ANK3: variants seen among roughly 807,000 people sequenced by gnomAD.
ANK3 encodes the protein ankyrin 3, also known as ankyrin-3.
In ANK3, 57 loss-of-function variants were observed where a neutral mutation model predicts 370.9. That is an observed-to-expected ratio of 0.15 (90% CI 0.12 to 0.19). The LOEUF is 0.19. ANK3 is among the 10% of genes least tolerant of loss of function. The pLI, the probability that ANK3 is intolerant of heterozygous loss-of-function variation, is 1.00. For synonymous variants in ANK3, 1,929 were observed against 1,946.3 expected, an observed-to-expected ratio of 0.99 and a Z score of 0.23; for missense variants, 4,439 against 5,302.1, an observed-to-expected ratio of 0.84 and a Z score of 5.06.
intron 2 of ANK3, among the ~76,000 whole-genome samples, chr10:60,437,568 A>G (rs544192195): frequency 8.7e-4 from 133 of 152,322 alleles, no homozygotes; most frequent in African/African-American, 3.1e-3. Context: ...TGCTAAATAA[A>G]GGAATGAATG....
chr10:60,124,150 C>T (rs1341374350), intron 25 of ANK3, among the ~76,000 whole-genome samples: 1 of 152,046 alleles, frequency 6.6e-6, no homozygotes, highest in Non-Finnish European at 1.5e-5. Flanking sequence ...TCTCATACCC[C>T]TAGATATTTA....
chr10:60,123,464 G>T (rs1175609247), intron 25 of ANK3, among the ~76,000 whole-genome samples: 3 of 152,136 alleles, frequency 2.0e-5, no homozygotes, highest in Non-Finnish European at 4.4e-5. Context: ...TAATTGTCCA[G>T]GCAGGGAAGG....
At chr10:60,688,096 G>A (rs78660839) in intron 1 of ANK3, among the ~76,000 whole-genome samples, 1 of 149,150 alleles carries the variant, frequency 6.7e-6, no homozygotes, top group African/African-American at 2.5e-5. Flanking sequence ...TTTTTTTTTT[G>A]AGACCTTTCC....
intron 1 of ANK3, among the ~76,000 whole-genome samples, chr10:60,373,895 T>G (rs2060432292): frequency 1.3e-5 from 2 of 152,144 alleles, no homozygotes. Flanking sequence ...ATGAAGCCTC[T>G]TCTCTCATCA....
At position 60,026,717 on chromosome 10, in the gene ANK3, T is replaced by C. The variant is rs1199226065; in HGVS notation, c.*3129A>G. 1 of 152,200 alleles carries C rather than the reference T, an allele frequency of 6.6e-6. No homozygotes were observed. The highest frequency in any genetic ancestry group is 1.5e-5 in the Non-Finnish European group (1 of 68,034). The allele number at this position is 152,200 out of a possible 1,614,324, so 9.4% of individuals were successfully genotyped here. A position where few individuals can be genotyped will look rare whatever the true frequency, so the allele number is the denominator to read the frequency against. ...GCTGCTTATGTGTTCAATGAAGTAA[T>C]AGATGCCTCTTAAAGTATTGAAATA... On this transcript the variant is annotated 3_prime_UTR_variant, in exon 44 of 44. Transcript: ENST00000280772.
chr10:60,080,555 A>G lies in ANK3; in HGVS notation c.4414T>C (p.Leu1472=). ...SLALRKRYSY[L]TEPGMIERST... is the part of the protein sequence containing the mutation. ...AACTCACTCATTCCAGGCTCAGTCA[A>G]GTAGCTGTAGCGCTTACGTAAAGCT... The change falls in exon 36 of 44, where the codon TTG becomes CTG. Residue 1472 remains leucine, a synonymous_variant. Transcript: ENST00000280772. The G allele has an allele frequency of 6.2e-7, 1 of 1,612,378 alleles. No homozygotes were observed. The highest frequency in any genetic ancestry group is 2.2e-5 in the East Asian group (1 of 44,708).
intron 1 of ANK3, among the ~76,000 whole-genome samples, chr10:60,316,324 A>AAGC (rs1374283281): frequency 2.0e-5 from 3 of 152,116 alleles, no homozygotes; most frequent in Admixed American, 2.0e-4. Context: ...ACAAACAAAA[A>AAGC]AGCAGGAAGT....
intron 1 of ANK3, among the ~76,000 whole-genome samples, chr10:60,695,324 C>G (rs1036785888): frequency 6.6e-5 from 10 of 152,116 alleles, no homozygotes; most frequent in Admixed American, 5.9e-4. Context: ...ACCCCACTGT[C>G]AACATTAGAC....
At chr10:60,563,598 A>G (rs2077390082) in intron 2 of ANK3, among the ~76,000 whole-genome samples, 1 of 152,222 alleles carries the variant, frequency 6.6e-6, no homozygotes, top group Non-Finnish European at 1.5e-5. Flanking sequence ...GACTATAAAT[A>G]GCTTCACGTA....
Position 60,106,017 on chromosome 10 carries a change from T to G in ANK3, c.3216A>C (p.Gly1072=), listed in dbSNP as rs968746371. ...VEIPHFGSMR[G]KERELIVLRS... Reference sequence around the variant, plus strand: ...GAAGAACAATGAGTTCTCTCTCTTTTCCTCTCATGGACCCAAAGTGAGGGA... The same window carrying G: ...GAAGAACAATGAGTTCTCTCTCTTTGCCTCTCATGGACCCAAAGTGAGGGA... Residue 1072 remains glycine, a synonymous_variant, in exon 28 of 44, where the codon GGA becomes GGC. Coordinates refer to ENST00000280772, the MANE Select transcript of ANK3 (RefSeq NM_020987.5). The G allele has an allele frequency of 1.2e-6, 2 of 1,612,362 alleles. No homozygotes were observed. Among genetic ancestry groups the G allele is most frequent in the Non-Finnish European group, 1.7e-6 (2 of 1,179,332 alleles).
At position 60,060,078 on chromosome 10, in the gene ANK3, T is replaced by A. The variant is rs561191564; in HGVS notation, c.12596-648A>T. ...ATCAAACAAAAACACATGGAATGAC[T>A]AAAATTATATCAGGCATGAAAAATG... On this transcript the variant is annotated intron_variant, in intron 40 of 43. Transcript: ENST00000280772. 1.2e-5 allele frequency: 14 copies of A among 1,160,972 alleles called. No individual in the cohort carries two copies. In the African/African-American group the frequency reaches 2.2e-4, roughly 18 times the overall value. 71.9% of individuals were successfully genotyped at this position (1,160,972 alleles called of 1,614,324 possible). A position where few individuals can be genotyped will look rare whatever the true frequency, so the allele number is the denominator to read the frequency against.
At position 60,239,009 on chromosome 10, in the gene ANK3, G is replaced by A. The variant is rs1022388965; in HGVS notation, c.799-4223C>T. ...AAAAATTGCAATATCAGAGTAAATT[G>A]CTTTGTGGGCTCCTCAATAGACTTC... On this transcript the variant is annotated intron_variant, in intron 7 of 43. Transcript: ENST00000280772. 8.5e-5 allele frequency among the ~76,000 whole-genome samples: 13 copies of A among 152,214 alleles called. No homozygotes were observed. The East Asian group carries it at 2.1e-3, about 25-fold the overall frequency.
chr10:60,267,510 A>C (rs1251432071), intron 5 of ANK3, among the ~76,000 whole-genome samples: 1 of 152,194 alleles, frequency 6.6e-6, no homozygotes, highest in Non-Finnish European at 1.5e-5. Flanking sequence ...AATTAAATCA[A>C]TGTAAAAGAG....
chr10:60,078,020 T>C (rs1014748106), intron 36 of ANK3, among the ~76,000 whole-genome samples: 1 of 152,174 alleles, frequency 6.6e-6, no homozygotes, highest in African/African-American at 2.4e-5. Context: ...CAAACCAAAC[T>C]GGTCAGAGAT....
Position 60,432,223 on chromosome 10 carries a change from A to G in ANK3, c.97-152584T>C, listed in dbSNP as rs117467096. Among the ~76,000 whole-genome samples, 1,400 of 152,338 alleles carry G rather than the reference A, an allele frequency of 9.2e-3. 12 individuals carry two copies. The highest frequency in any genetic ancestry group is 0.018 in the Admixed American group (278 of 15,312). ...AAATATTATAACAATTGCTATTAAC[A>G]TATGAATGGTAATTTTTCATCAAAC... On this transcript the variant is annotated intron_variant, in intron 2 of 43. Coordinates refer to the ANK3 transcript ENST00000373827.
At chr10:60,103,036 C>T (rs1415904413) in intron 28 of ANK3, among the ~76,000 whole-genome samples, 5 of 151,894 alleles carry the variant, frequency 3.3e-5, no homozygotes, top group Admixed American at 6.6e-5. Flanking sequence ...CTGCAACCTG[C>T]GCCTCCCGGG....
At chr10:60,451,642 C>G (rs2064605407) in intron 2 of ANK3, among the ~76,000 whole-genome samples, 1 of 152,210 alleles carries the variant, frequency 6.6e-6, no homozygotes, top group African/African-American at 2.4e-5. Flanking sequence ...CTGCCTATAC[C>G]TATGAATGTG....
At chr10:60,375,801 C>T (rs921767203) in intron 1 of ANK3, among the ~76,000 whole-genome samples, 1 of 152,178 alleles carries the variant, frequency 6.6e-6, no homozygotes, top group African/African-American at 2.4e-5. Context: ...TATTTATTTA[C>T]CCTCAGCTTG....
intron 1 of ANK3, among the ~76,000 whole-genome samples, chr10:60,345,859 C>T (rs1369090975): frequency 6.6e-6 from 1 of 152,032 alleles, no homozygotes; most frequent in Non-Finnish European, 1.5e-5. Flanking sequence ...CAAATGTGGT[C>T]CCTTATTAAC....
Sources: allele counts gnomAD v4.1 joint callset (sites outside exome capture counted in the v4.1 genomes callset), GRCh38; gene constraint gnomAD v4.1.1; transcripts MANE v1.5; gene names NCBI Gene and HGNC (gene_info 2026-07-23, HGNC 2026-07-21).